Variants in ADAMTS9 observed in about 807,000 individuals in gnomAD.
ADAMTS9 encodes the protein A disintegrin and metalloproteinase with thrombospondin motifs 9.
A neutral mutation model predicts 257.1 loss-of-function variants in ADAMTS9; 107 were observed. The observed-to-expected ratio is 0.42, with a 90% CI of 0.36 to 0.49. ADAMTS9 has a LOEUF of 0.49. ADAMTS9 is among the 20% of genes least tolerant of loss of function. The pLI, the probability that ADAMTS9 is intolerant of heterozygous loss-of-function variation, is 0.03. For synonymous variants in ADAMTS9, 982 were observed against 880.9 expected, an observed-to-expected ratio of 1.11 and a Z score of -2.03; for missense variants, 2,353 against 2,469.1, an observed-to-expected ratio of 0.95 and a Z score of 1.00.
chr3:64,580,399 A>C (rs1204991562), intron 28 of ADAMTS9, among the ~76,000 whole-genome samples: 2 of 152,170 alleles, frequency 1.3e-5, no homozygotes, highest in Non-Finnish European at 2.9e-5. Flanking sequence ...GATAGAATGA[A>C]ATCATAGCCA....
chr3:64,645,087 A>G (rs1700753203), intron 11 of ADAMTS9, among the ~76,000 whole-genome samples: 1 of 152,238 alleles, frequency 6.6e-6, no homozygotes, highest in African/African-American at 2.4e-5. Context: ...AAGATAATCT[A>G]TTTTACCAGG....
intron 22 of ADAMTS9, 47 bp downstream of exon 22, chr3:64,613,298 T>C (rs1559791925): frequency 1.3e-6 from 2 of 1,592,476 alleles, no homozygotes. Context: ...CCTCTCCAGA[T>C]AAGAAGGAAA....
chr3:64,602,219 T>A lies in ADAMTS9; in HGVS notation c.3748-6A>T, dbSNP rs2084476652. 2.5e-6 allele frequency: 4 copies of A among 1,612,766 alleles called. No homozygotes were observed. The highest frequency in any genetic ancestry group is 1.7e-6 in the Non-Finnish European group (2 of 1,179,406). On this transcript the variant is annotated splice_region_variant and splice_polypyrimidine_tract_variant and intron_variant, in intron 25 of 39. Transcript: ENST00000498707. ...TGCCCACAGGTCACAGAGCACTAGG[T>A]TGAATGTTCAGAAAGAGAAAGGGTC...
intron 39 of ADAMTS9, among the ~76,000 whole-genome samples, chr3:64,517,918 T>C (rs185363689): frequency 6.6e-6 from 1 of 152,156 alleles, no homozygotes; most frequent in Non-Finnish European, 1.5e-5. Context: ...CTCTTCCAAC[T>C]GAAGCTGTCA....
At chr3:64,532,479 G>C (rs1386847412) in intron 38 of ADAMTS9, among the ~76,000 whole-genome samples, 1 of 152,162 alleles carries the variant, frequency 6.6e-6, no homozygotes, top group Non-Finnish European at 1.5e-5. Flanking sequence ...GAAAAATCAA[G>C]TGGAACCGTC....
At chr3:64,632,431 G>T (rs993742590) in intron 14 of ADAMTS9, among the ~76,000 whole-genome samples, 1 of 152,198 alleles carries the variant, frequency 6.6e-6, no homozygotes, top group Non-Finnish European at 1.5e-5. Context: ...ATTTTCCAAA[G>T]AAGCTGGAAA....
At chr3:64,650,238 C>T (rs1268870689) in intron 9 of ADAMTS9, 1 of 153,092 alleles carries the variant, frequency 6.5e-6, no homozygotes, top group Admixed American at 6.5e-5. Flanking sequence ...AAAAGAACAA[C>T]AGCAACCCTC....
At chr3:64,616,462 T>TG in intron 19 of ADAMTS9, among the ~76,000 whole-genome samples, 1 of 152,216 alleles carries the variant, frequency 6.6e-6, no homozygotes, top group East Asian at 1.9e-4. Flanking sequence ...AAGGAAAACA[T>TG]TTTTTTCAAG....
intron 26 of ADAMTS9, among the ~76,000 whole-genome samples, chr3:64,598,734 C>G (rs182223296): frequency 6.6e-6 from 1 of 152,268 alleles, no homozygotes; most frequent in East Asian, 1.9e-4. Context: ...AAGGGCCTTT[C>G]ATGGTATAAA....
intron 30 of ADAMTS9, among the ~76,000 whole-genome samples, chr3:64,555,442 A>T (rs2083321325): frequency 6.6e-6 from 1 of 152,168 alleles, no homozygotes; most frequent in African/African-American, 2.4e-5. Context: ...CCCGGGAGGC[A>T]GCCTCCATGG....
At chr3:64,636,318 A>G (rs1412423118) in intron 12 of ADAMTS9, among the ~76,000 whole-genome samples, 1 of 152,200 alleles carries the variant, frequency 6.6e-6, no homozygotes, top group Non-Finnish European at 1.5e-5. Context: ...GTGAGAGGCA[A>G]TACTCCTTAT....
intron 37 of ADAMTS9, among the ~76,000 whole-genome samples, chr3:64,535,015 T>G (rs1223356889): frequency 2.6e-5 from 4 of 152,082 alleles, no homozygotes; most frequent in African/African-American, 9.7e-5. Context: ...AACCTGTGAA[T>G]AGGAGGTGAT....
chr3:64,526,345 A>G (rs757393153), intron 38 of ADAMTS9, among the ~76,000 whole-genome samples: 2 of 152,100 alleles, frequency 1.3e-5, no homozygotes, highest in Non-Finnish European at 2.9e-5. Flanking sequence ...GAAAAAGAAA[A>G]ACAGTGCCAG....
chr3:64,622,767 T>C (rs1700140082), intron 16 of ADAMTS9, among the ~76,000 whole-genome samples, 181 bp from the exon 17 acceptor site: 2 of 152,166 alleles, frequency 1.3e-5, no homozygotes, highest in Non-Finnish European at 2.9e-5. Flanking sequence ...TTGGGAATCA[T>C]TTTCCATCCA....
intron 28 of ADAMTS9, among the ~76,000 whole-genome samples, chr3:64,570,695 C>CAAAAAA (rs143048322): frequency 2.1e-5 from 1 of 47,068 alleles, no homozygotes; most frequent in Non-Finnish European, 4.2e-5. Flanking sequence ...GACTCCGTCT[C>CAAAAAA]AAAAAAAAAA....
chr3:64,571,995 G>A (rs1451064588), intron 28 of ADAMTS9, among the ~76,000 whole-genome samples: 3 of 152,106 alleles, frequency 2.0e-5, no homozygotes, highest in African/African-American at 7.2e-5. Flanking sequence ...CTATTTATTG[G>A]TTACACATCT....
At chr3:64,575,778 C>T (rs1256018823) in intron 28 of ADAMTS9, among the ~76,000 whole-genome samples, 3 of 152,138 alleles carry the variant, frequency 2.0e-5, no homozygotes, top group Non-Finnish European at 2.9e-5. Flanking sequence ...CACTGTGTTA[C>T]AATTAAATGA....
chr3:64,555,824 G>T (rs12635161), intron 30 of ADAMTS9, among the ~76,000 whole-genome samples: 3 of 151,474 alleles, frequency 2.0e-5, no homozygotes, highest in East Asian at 1.9e-4. Context: ...GTGGAGAAGC[G>T]GGGGAGCAGA....
intron 28 of ADAMTS9, 139 bp from the exon 29 acceptor site, chr3:64,568,674 T>C (rs2083602296): frequency 1.0e-6 from 1 of 986,868 alleles, no homozygotes. Context: ...GTTTGGATAA[T>C]ATCTCAAGGC....
Sources: gnomAD v4.1 joint callset for allele counts (sites outside exome capture counted in the v4.1 genomes callset) on GRCh38, gnomAD v4.1.1 for gene constraint, MANE v1.5 for transcripts, NCBI Gene and HGNC (gene_info 2026-07-23, HGNC 2026-07-21) for gene names.